Variants in DAB1 observed in about 807,000 individuals in gnomAD.
DAB1 encodes the protein disabled homolog 1.
In DAB1, 15 loss-of-function variants were observed where a neutral mutation model predicts 64.6. The observed-to-expected ratio is 0.23, with a 90% confidence interval of 0.16 to 0.36. The LOEUF (loss-of-function observed/expected upper bound fraction) is 0.36, where lower values mean the gene tolerates loss of function less well. DAB1 is among the 10% of genes least tolerant of loss of function. The pLI, the probability that DAB1 is intolerant of heterozygous loss-of-function variation, is 1.00. For synonymous variants in DAB1, 235 were observed against 251.9 expected (o/e 0.93, Z 0.64); for missense variants, 596 against 706.7 (o/e 0.84, Z 1.78).
In DAB1 at chr1:57,769,581, C is replaced by T. The variant is rs188407727; in HGVS notation, n.551+114418G>A. 2.8e-4 allele frequency among the ~76,000 whole-genome samples: 43 copies of T among 152,292 alleles called. 1 individual carries two copies. In the East Asian group the frequency reaches 4.6e-3, roughly 16 times the overall value. On this transcript the variant is annotated intron_variant and non_coding_transcript_variant, in intron 6 of 20. Coordinates refer to the DAB1 transcript ENST00000485760. ...AACCGATCCCCACTTCCTCCCCTTACAGGCTTCTCCAGCTGAGCAGGCCCA... is the reference window on the plus strand; with the variant it reads ...AACCGATCCCCACTTCCTCCCCTTATAGGCTTCTCCAGCTGAGCAGGCCCA...
intron 1 of DAB1, chr1:57,386,528 TA>T (rs1453128135): frequency 6.6e-6 from 1 of 152,096 alleles, no homozygotes; most frequent in East Asian, 1.9e-4. Context: ...TTCTATATTC[TA>T]TATTCAATAG....
chr1:57,518,496 C>T (rs1644488373), intron 7 of DAB1, among the ~76,000 whole-genome samples: 1 of 152,184 alleles, frequency 6.6e-6, no homozygotes, highest in Non-Finnish European at 1.5e-5. Flanking sequence ...CCACATTATT[C>T]CGTGTTTTAA....
At chr1:57,915,854 A>C (rs1377932076) in intron 5 of DAB1, among the ~76,000 whole-genome samples, 2 of 152,060 alleles carry the variant, frequency 1.3e-5, no homozygotes, top group African/African-American at 4.8e-5. Flanking sequence ...CATCTTGGGA[A>C]GAGCTCTCTT....
chr1:58,463,831 G>A (rs1351909096), intron 3 of DAB1, among the ~76,000 whole-genome samples: 1 of 152,244 alleles, frequency 6.6e-6, no homozygotes, highest in Non-Finnish European at 1.5e-5. Flanking sequence ...CTTGTCATGT[G>A]TTTCAGTAGA....
At chr1:57,921,200 A>C (rs1327830601) in intron 5 of DAB1, among the ~76,000 whole-genome samples, 1 of 152,204 alleles carries the variant, frequency 6.6e-6, no homozygotes, top group Non-Finnish European at 1.5e-5. Flanking sequence ...GCTGCAGTAG[A>C]GGGCATACAC....
intron 1 of DAB1, among the ~76,000 whole-genome samples, chr1:57,348,106 C>T (rs144352905): frequency 4.6e-5 from 7 of 152,230 alleles, no homozygotes; most frequent in Non-Finnish European, 8.8e-5. Flanking sequence ...AAATTTACCT[C>T]GAATAACATA....
intron 4 of DAB1, among the ~76,000 whole-genome samples, chr1:57,103,244 T>C (rs768807461): frequency 6.6e-6 from 1 of 152,084 alleles, no homozygotes; most frequent in Non-Finnish European, 1.5e-5. Context: ...AATGTTACTC[T>C]GGTGAGGGGG....
At chr1:58,163,366 C>T (rs1005186397) in intron 4 of DAB1, among the ~76,000 whole-genome samples, 12 of 152,096 alleles carry the variant, frequency 7.9e-5, no homozygotes, top group African/African-American at 2.4e-4. Context: ...GCCAGGAGTG[C>T]GTGAAGCAAA....
chr1:57,106,224 A>G (rs914878488), intron 4 of DAB1, among the ~76,000 whole-genome samples: 10 of 150,368 alleles, frequency 6.7e-5, no homozygotes, highest in African/African-American at 2.5e-4. Flanking sequence ...TGATGTTTCA[A>G]AATCTTTCCT....
Position 57,743,878 on chromosome 1 carries a change from T to C in DAB1, n.552-94213A>G, listed in dbSNP as rs562065730. Among the ~76,000 whole-genome samples the C allele has an allele frequency of 1.7e-4, 26 of 152,346 alleles. No individual in the cohort carries two copies. In the East Asian group the frequency reaches 5.0e-3, roughly 29 times the overall value. On this transcript the variant is annotated intron_variant and non_coding_transcript_variant, in intron 6 of 20. Coordinates refer to the DAB1 transcript ENST00000485760. The stretch of plus-strand genomic sequence containing the variant: ...TTGTTTCTATAGATATTAAATTAAC[T>C]AAAAATATCCCTTATGGGAAATGAA...
intron 5 of DAB1, among the ~76,000 whole-genome samples, chr1:58,107,996 C>T (rs1472520296): frequency 6.6e-6 from 1 of 152,102 alleles, no homozygotes; most frequent in African/African-American, 2.4e-5. Context: ...GAAGGACCCA[C>T]AGTTTGTTCA....
chr1:57,049,062 G>T (rs532851581), intron 9 of DAB1, among the ~76,000 whole-genome samples: 9 of 152,306 alleles, frequency 5.9e-5, no homozygotes, highest in African/African-American at 2.2e-4. Flanking sequence ...ATCATTCAGA[G>T]TGATAATGTG....
intron 4 of DAB1, among the ~76,000 whole-genome samples, chr1:58,171,711 A>C (rs1406116297): frequency 2.0e-5 from 3 of 152,224 alleles, no homozygotes; most frequent in Non-Finnish European, 2.9e-5. Context: ...CTGTTTGGCC[A>C]GGCACTGGCC....
At chr1:57,081,225 A>T (rs1652520536) in intron 4 of DAB1, among the ~76,000 whole-genome samples, 1 of 152,102 alleles carries the variant, frequency 6.6e-6, no homozygotes, top group African/African-American at 2.4e-5. Context: ...TCTCATAGGG[A>T]TATAAGGAAG....
intron 5 of DAB1, among the ~76,000 whole-genome samples, chr1:57,987,077 T>C (rs1292191945): frequency 6.6e-6 from 1 of 152,174 alleles, no homozygotes; most frequent in Non-Finnish European, 1.5e-5. Flanking sequence ...ATTGCCTTTG[T>C]TGGATGGCTC....
chr1:57,661,722 T>C (rs1447944547), intron 6 of DAB1, among the ~76,000 whole-genome samples: 1 of 152,242 alleles, frequency 6.6e-6, no homozygotes, highest in African/African-American at 2.4e-5. Flanking sequence ...TTACTTATAA[T>C]ATTAATACCT....
chr1:57,383,788 T>C (rs973656323), intron 1 of DAB1, among the ~76,000 whole-genome samples: 2 of 152,094 alleles, frequency 1.3e-5, no homozygotes, highest in African/African-American at 4.8e-5. Context: ...CCATGAAACT[T>C]ACAACTACAA....
chr1:57,860,598 A>G (rs1348877492), intron 1 of DAB1: 4 of 152,246 alleles, frequency 2.6e-5, no homozygotes, highest in African/African-American at 9.6e-5. Flanking sequence ...GGAGCTGGTA[A>G]TCAGGATGGC....
chr1:57,562,948 G>A (rs1234456904), intron 7 of DAB1, among the ~76,000 whole-genome samples: 1 of 152,146 alleles, frequency 6.6e-6, no homozygotes, highest in Non-Finnish European at 1.5e-5. Context: ...CGGAGGTAAG[G>A]AAGAGTATAT....
Sources: allele counts gnomAD v4.1 joint callset (sites outside exome capture counted in the v4.1 genomes callset), GRCh38; gene constraint gnomAD v4.1.1; transcripts MANE v1.5; gene names NCBI Gene and HGNC (gene_info 2026-07-23, HGNC 2026-07-21).